BMERB1: variants seen among roughly 807,000 people sequenced by gnomAD.
BMERB1 encodes the protein bMERB domain-containing protein 1.
In BMERB1, 12 loss-of-function variants were observed where a neutral mutation model predicts 23.6. The ratio of observed to expected loss-of-function variants is 0.51; its 90% confidence interval spans 0.33 to 0.82. The LOEUF (loss-of-function observed/expected upper bound fraction) is 0.82, where lower values mean the gene tolerates loss of function less well. BMERB1 is among the 40% of genes least tolerant of loss of function. The pLI is 0.03. For synonymous variants in BMERB1, 122 were observed against 96.6 expected (o/e 1.26, Z -1.54); for missense variants, 247 against 255.4 (o/e 0.97, Z 0.22).
At chr16:15,567,637 C>T (rs2030611709) in intron 2 of BMERB1, among the ~76,000 whole-genome samples, 1 of 152,130 alleles carries the variant, frequency 6.6e-6, no homozygotes, top group African/African-American at 2.4e-5. Flanking sequence ...GTGGCAGGCA[C>T]CTATAATCCC....
intron 1 of BMERB1, among the ~76,000 whole-genome samples, chr16:15,482,020 C>A (rs909572834): frequency 6.6e-6 from 1 of 152,036 alleles, no homozygotes; most frequent in African/African-American, 2.4e-5. Context: ...CATGAGCCAC[C>A]GCGCCTGGCC....
At position 15,480,904 on chromosome 16, in the gene BMERB1, GC is replaced by G. The variant is rs2051315279; in HGVS notation, c.107-34398del. Reference sequence around the variant, plus strand: ...TGGGATTACAAGCATGAGCCACTGTGCCCGGCCAGGAATTACACTTTTAGAA... The same window carrying G: ...TGGGATTACAAGCATGAGCCACTGTGCCGGCCAGGAATTACACTTTTAGAA... On this transcript the variant is annotated intron_variant, in intron 1 of 5. Transcript: ENST00000300006. 2.0e-5 allele frequency among the ~76,000 whole-genome samples: 3 copies of G among 152,040 alleles called. No homozygotes were observed. The South Asian group carries it at 6.2e-4, about 32-fold the overall frequency.
intron 1 of BMERB1, among the ~76,000 whole-genome samples, chr16:15,501,324 G>A (rs1015685541): frequency 8.6e-5 from 10 of 116,424 alleles, no homozygotes; most frequent in East Asian, 5.3e-4. Flanking sequence ...GATGGAGTCC[G>A]TTCTGTCACC....
chr16:15,443,254 CA>C (rs34699173), intron 1 of BMERB1, among the ~76,000 whole-genome samples: 1 of 148,818 alleles, frequency 6.7e-6, no homozygotes, highest in African/African-American at 2.5e-5. Flanking sequence ...GACCCTGTCT[CA>C]AAAAAAAACA....
intron 2 of BMERB1, among the ~76,000 whole-genome samples, chr16:15,552,965 G>A (rs2030138474): frequency 6.6e-6 from 1 of 152,100 alleles, no homozygotes; most frequent in East Asian, 1.9e-4. Context: ...CTTCAGCCCA[G>A]GAGTTTGAGA....
intron 1 of BMERB1, among the ~76,000 whole-genome samples, chr16:15,503,206 A>T (rs976324333): frequency 1.3e-5 from 2 of 152,212 alleles, no homozygotes; most frequent in African/African-American, 4.8e-5. Context: ...TCTAGAGATG[A>T]CTTAAAGTCT....
At chr16:15,461,529 C>G (rs998884727) in intron 1 of BMERB1, among the ~76,000 whole-genome samples, 2 of 152,074 alleles carry the variant, frequency 1.3e-5, no homozygotes, top group Non-Finnish European at 2.9e-5. Context: ...CAAAACCAAC[C>G]TAGCCATTGT....
At chr16:15,538,964 G>C (rs150704969) in intron 2 of BMERB1, among the ~76,000 whole-genome samples, 1 of 152,186 alleles carries the variant, frequency 6.6e-6, no homozygotes, top group Non-Finnish European at 1.5e-5. Context: ...ACCAAGGACT[G>C]GTTTCATGGA....
At chr16:15,521,692 C>A (rs1272080173) in intron 2 of BMERB1, among the ~76,000 whole-genome samples, 1 of 152,108 alleles carries the variant, frequency 6.6e-6, no homozygotes, top group Middle Eastern at 3.2e-3. Flanking sequence ...TGCAAAATGG[C>A]ATTTAGAGAT....
intron 1 of BMERB1, among the ~76,000 whole-genome samples, chr16:15,507,574 G>C (rs1456856101): frequency 6.6e-6 from 1 of 152,142 alleles, no homozygotes; most frequent in East Asian, 1.9e-4. Flanking sequence ...TGAGAGACTT[G>C]TTGTCTCTAG....
At chr16:15,447,885 A>G (rs1238971280) in intron 1 of BMERB1, 1 of 454,130 alleles carries the variant, frequency 2.2e-6, no homozygotes. Flanking sequence ...AAGAAGTAGC[A>G]TTTATTTATT....
Position 15,562,818 on chromosome 16 carries a change from C to T in BMERB1, c.231-5165C>T, listed in dbSNP as rs2030460528. On this transcript the variant is annotated intron_variant, in intron 2 of 5. Transcript: ENST00000300006. ...AACTCACGGGAACAGTCTGTGCCCT[C>T]CCGGCAAGTCCACGCTCATTCGAGG... Among the ~76,000 whole-genome samples, 3 of 152,196 alleles carry T rather than the reference C, an allele frequency of 2.0e-5. No individual in the cohort carries two copies. In the South Asian group the frequency reaches 6.2e-4, roughly 31 times the overall value.
At position 15,587,437 on chromosome 16, in the gene BMERB1, T is replaced by TC; in HGVS notation, c.*614dup. The TC allele has an allele frequency of 3.2e-6, 1 of 309,726 alleles. No homozygotes were observed. The highest frequency in any genetic ancestry group is 6.8e-6 in the Non-Finnish European group (1 of 146,346). The allele number at this position is 309,726 out of a possible 1,614,324, so 19.2% of individuals were successfully genotyped here. A position where few individuals can be genotyped will look rare whatever the true frequency, so the allele number is the denominator to read the frequency against. On this transcript the variant is annotated 3_prime_UTR_variant, in exon 6 of 6. Coordinates refer to ENST00000300006, the MANE Select transcript of BMERB1 (RefSeq NM_033201.3). Reference sequence around the variant, plus strand: ...TGGTGTCGTGGTCACATCTCCCGCTTCCCCCCATCCTGTGTCTGGGCACAG... The same window carrying TC: ...TGGTGTCGTGGTCACATCTCCCGCTTCCCCCCCATCCTGTGTCTGGGCACAG...
chr16:15,511,663 C>G (rs370821840), intron 1 of BMERB1, among the ~76,000 whole-genome samples: 34 of 152,222 alleles, frequency 2.2e-4, no homozygotes, highest in African/African-American at 7.5e-4. Context: ...TTTTCCTCTC[C>G]CCATATAATT....
At chr16:15,487,232 A>G (rs568075996) in intron 1 of BMERB1, among the ~76,000 whole-genome samples, 2 of 152,340 alleles carry the variant, frequency 1.3e-5, no homozygotes, top group Admixed American at 1.3e-4. Context: ...GGTTTCTTCT[A>G]AACAGCCTTA....
At chr16:15,448,952 A>G (rs1403288302) in intron 1 of BMERB1, among the ~76,000 whole-genome samples, 2 of 152,182 alleles carry the variant, frequency 1.3e-5, no homozygotes, top group Admixed American at 6.6e-5. Flanking sequence ...CAGTGTTGTG[A>G]TGGGTATAGG....
intron 2 of BMERB1, among the ~76,000 whole-genome samples, chr16:15,531,725 G>A (rs759832447): frequency 4.1e-4 from 62 of 152,194 alleles, no homozygotes; most frequent in African/African-American, 1.5e-3. Context: ...GTGGCCTGGC[G>A]ATTAAGGGTT....
intron 2 of BMERB1, among the ~76,000 whole-genome samples, chr16:15,565,704 A>G (rs911656483): frequency 1.3e-5 from 2 of 152,168 alleles, no homozygotes; most frequent in South Asian, 2.1e-4. Context: ...AAAATTAAAA[A>G]AAGTATGAGC....
intron 2 of BMERB1, among the ~76,000 whole-genome samples, chr16:15,541,103 C>T (rs1328923796): frequency 6.6e-6 from 1 of 152,074 alleles, no homozygotes; most frequent in African/African-American, 2.4e-5. Context: ...CCACGACCAC[C>T]TCCTCGGGTT....
Sources: gnomAD v4.1 joint callset for allele counts (sites outside exome capture counted in the v4.1 genomes callset) on GRCh38, gnomAD v4.1.1 for gene constraint, MANE v1.5 for transcripts, NCBI Gene and HGNC (gene_info 2026-07-23, HGNC 2026-07-21) for gene names.